Variants in ADAMTS3 observed in about 807,000 individuals in gnomAD.
ADAMTS3 encodes the protein A disintegrin and metalloproteinase with thrombospondin motifs 3.
Under a neutral mutation model 129.0 loss-of-function variants are expected in ADAMTS3, and 73 were observed. The observed-to-expected ratio is 0.57, with a 90% confidence interval of 0.47 to 0.69. The LOEUF (loss-of-function observed/expected upper bound fraction) is 0.69, where lower values mean the gene tolerates loss of function less well. Ranked by LOEUF, ADAMTS3 falls within the 30% of genes least tolerant of loss-of-function variation. The probability of loss-of-function intolerance (pLI) is 0.00; values close to 1 mark genes in which losing one functional copy is unlikely to be tolerated. For missense variants in ADAMTS3, 1,457 were observed against 1,514.5 expected, an observed-to-expected ratio of 0.96 and a Z score of 0.63; for synonymous variants, 477 against 510.8, an observed-to-expected ratio of 0.93 and a Z score of 0.89.
intron 3 of ADAMTS3, among the ~76,000 whole-genome samples, chr4:72,512,241 C>T (rs112324468): frequency 0.041 from 6,267 of 152,048 alleles, 148 homozygotes; most frequent in Non-Finnish European, 0.048. Flanking sequence ...TTTGGGAGGC[C>T]GCGGTGGACA....
intron 3 of ADAMTS3, among the ~76,000 whole-genome samples, chr4:72,429,103 G>A (rs1037185660): frequency 6.6e-6 from 1 of 151,996 alleles, no homozygotes; most frequent in Non-Finnish European, 1.5e-5. Context: ...ACAAATAGTA[G>A]TTGCCTGGAA....
chr4:72,298,701 T>A (rs1379583615), intron 17 of ADAMTS3, among the ~76,000 whole-genome samples: 1 of 151,954 alleles, frequency 6.6e-6, no homozygotes, highest in African/African-American at 2.4e-5. Flanking sequence ...ATTATAAAAA[T>A]AATAACTTTA....
Position 72,414,863 on chromosome 4 carries a change from C to A in ADAMTS3, c.613G>T (p.Ala205Ser). 1 of 1,565,044 alleles carries A rather than the reference C, an allele frequency of 6.4e-7. No individual in the cohort carries two copies. Among genetic ancestry groups the A allele is most frequent in the South Asian group, 1.2e-5 (1 of 83,402 alleles). ...ATGTCTATGGGAGCCTGTTCTACAG[C>A]TGATCTCTTGTAGACAACATGAATC... ...GRIHVVYKRS[A>S]VEQAPIDMSK... Residue 205 changes from alanine to serine, a missense_variant, in exon 4 of 22, where the codon GCT becomes TCT. Transcript: ENST00000286657.
At chr4:72,453,714 AT>A (rs1163744596) in intron 3 of ADAMTS3, among the ~76,000 whole-genome samples, 10 of 151,540 alleles carry the variant, frequency 6.6e-5, no homozygotes, top group Admixed American at 6.6e-4. Context: ...GTACTTGTTA[AT>A]TTTTTTCTGT....
intron 2 of ADAMTS3, among the ~76,000 whole-genome samples, chr4:72,556,955 AC>A (rs1721782935): frequency 6.6e-6 from 1 of 151,628 alleles, no homozygotes; most frequent in South Asian, 2.1e-4. Context: ...AGTTAGAAGG[AC>A]CTTAAATTCC....
intron 3 of ADAMTS3, among the ~76,000 whole-genome samples, chr4:72,450,688 A>G (rs1043608867): frequency 1.3e-5 from 2 of 151,820 alleles, no homozygotes; most frequent in Non-Finnish European, 2.9e-5. Context: ...TACTACTGCA[A>G]AAGTGTAGAC....
At chr4:72,529,965 A>C (rs1269206165) in intron 3 of ADAMTS3, among the ~76,000 whole-genome samples, 11 of 1,222 alleles carry the variant, frequency 9.0e-3, no homozygotes, top group Non-Finnish European at 0.022. Flanking sequence ...ATAATATATT[A>C]TATTTATATA....
At position 72,283,654 on chromosome 4, in the gene ADAMTS3, C is replaced by T; in HGVS notation, c.3100G>A (p.Ala1034Thr). 6.2e-7 allele frequency: 1 copy of T among 1,611,458 alleles called. No homozygotes were observed. Among genetic ancestry groups the T allele is most frequent in the South Asian group, 1.1e-5 (1 of 90,804 alleles). ...TAACCTGGTATGGAGCAGTATCGTGCCAACACTTCCATTTGACAGAATATG... is the reference window on the plus strand; with the variant it reads ...TAACCTGGTATGGAGCAGTATCGTGTCAACACTTCCATTTGACAGAATATG... The part of the protein sequence containing the change: ...KSIFCQMEVL[A>T]RYCSIPGYNK... Residue 1034 changes from alanine to threonine, a missense_variant, in exon 22 of 22, where the codon GCA (alanine) becomes ACA (threonine). Ala to Thr is a moderately conservative substitution (Grantham distance 58). Transcript: ENST00000286657.
chr4:72,452,706 G>A (rs917468820), intron 3 of ADAMTS3, among the ~76,000 whole-genome samples: 1 of 151,766 alleles, frequency 6.6e-6, no homozygotes. Flanking sequence ...GGATTCTGCA[G>A]TATGGCTGGT....
chr4:72,361,840 A>T (rs1720736197), intron 4 of ADAMTS3, among the ~76,000 whole-genome samples: 4 of 152,118 alleles, frequency 2.6e-5, no homozygotes, highest in Admixed American at 2.6e-4. Context: ...AGCCTCCTAC[A>T]ATTAAGTCTA....
Position 72,323,047 on chromosome 4 carries a change from G to C in ADAMTS3, c.912C>G (p.Val304=). The change falls in exon 6 of 22, where the codon GTC becomes GTG. Residue 304 remains valine (V), a synonymous_variant. Coordinates refer to ENST00000286657, the MANE Select transcript of ADAMTS3 (RefSeq NM_014243.3). ...DESLGVHINV[V]LVRMIMLGYA... is the part of the protein sequence containing the mutation. The stretch of plus-strand genomic sequence containing the variant: ...ATCCCAGCATTATCATGCGCACCAG[G>C]ACCACATTTATATGCACTCCGAGGG... The C allele has an allele frequency of 6.2e-7, 1 of 1,613,406 alleles. No individual in the cohort carries two copies. The highest frequency in any genetic ancestry group is 8.5e-7 in the Non-Finnish European group (1 of 1,179,678).
chr4:72,525,255 G>A (rs1229195172), intron 3 of ADAMTS3, among the ~76,000 whole-genome samples: 1 of 152,182 alleles, frequency 6.6e-6, no homozygotes, highest in Non-Finnish European at 1.5e-5. Context: ...AGTCAGGACA[G>A]AGAAATCCTT....
chr4:72,449,809 C>T (rs750814534), intron 3 of ADAMTS3, among the ~76,000 whole-genome samples: 38 of 151,826 alleles, frequency 2.5e-4, no homozygotes, highest in Admixed American at 1.2e-3. Flanking sequence ...TCTTACTCGT[C>T]CTCTCTGCCA....
rs1356147242 is a variant in ADAMTS3, at chr4:72,530,513, TATATAA to T, written c.504+17959_504+17964del. Among the ~76,000 whole-genome samples the T allele has an allele frequency of 3.3e-5, 3 of 90,152 alleles. No homozygotes were observed. The East Asian group carries it at 1.0e-3, about 31-fold the overall frequency. The allele number at this position is 90,152 out of a possible 152,430, so 59.1% of individuals were successfully genotyped here. A position where few individuals can be genotyped will look rare whatever the true frequency, so the allele number is the denominator to read the frequency against. ...ATATTTATATACAAATATATATTTA[TATATAA>T]ATATATTAATTTAATATATATTAAT... is the stretch of plus-strand genomic sequence containing the variant. On this transcript the variant is annotated intron_variant, in intron 3 of 21. Coordinates refer to ENST00000286657, the MANE Select transcript of ADAMTS3 (RefSeq NM_014243.3).
intron 15 of ADAMTS3, among the ~76,000 whole-genome samples, chr4:72,308,985 T>C (rs1022739598): frequency 9.2e-5 from 14 of 152,012 alleles, no homozygotes; most frequent in Non-Finnish European, 2.9e-5. Context: ...ACTAATGTGA[T>C]ATTTTAAAAG....
chr4:72,295,664 T>C lies in ADAMTS3; in HGVS notation c.2713A>G (p.Thr905Ala). 2 of 1,612,380 alleles carry C rather than the reference T, an allele frequency of 1.2e-6. No homozygotes were observed. Among genetic ancestry groups the C allele is most frequent in the Non-Finnish European group, 1.7e-6 (2 of 1,178,794 alleles). The change falls in exon 19 of 22, where the codon ACA becomes GCA. Residue 905 changes from threonine (T) to alanine (A), a missense_variant. Coordinates refer to ENST00000286657, the MANE Select transcript of ADAMTS3 (RefSeq NM_014243.3). ...AAAATAGATGCTTACAGTGGATGTG[T>C]ACACTCTTGAATATTGCACATTCGT... ...IRRMCNIQEC[T>A]HPLWVAEEWE...
At chr4:72,331,103 C>T (rs535554587) in intron 5 of ADAMTS3, among the ~76,000 whole-genome samples, 27 of 152,244 alleles carry the variant, frequency 1.8e-4, no homozygotes, top group Non-Finnish European at 2.8e-4. Flanking sequence ...GCAACTGAGA[C>T]GCTTCAGTAA....
intron 3 of ADAMTS3, among the ~76,000 whole-genome samples, chr4:72,442,883 C>A (rs1718155892): frequency 6.6e-6 from 1 of 151,704 alleles, no homozygotes; most frequent in Non-Finnish European, 1.5e-5. Flanking sequence ...TGACAGATAT[C>A]CTTGAGTTCA....
chr4:72,316,304 A>C (rs752864106), intron 10 of ADAMTS3, among the ~76,000 whole-genome samples: 1 of 152,296 alleles, frequency 6.6e-6, no homozygotes, highest in African/African-American at 2.4e-5. Context: ...GAATATTGTA[A>C]ATATGAAAAT....
Sources: allele counts gnomAD v4.1 joint callset (sites outside exome capture counted in the v4.1 genomes callset), GRCh38; gene constraint gnomAD v4.1.1; transcripts MANE v1.5; gene names NCBI Gene and HGNC (gene_info 2026-07-23, HGNC 2026-07-21).